KAZN: variants seen among roughly 807,000 people sequenced by gnomAD.
KAZN encodes the protein kazrin, periplakin interacting protein.
KAZN carries 40 observed loss-of-function variants against 87.4 expected under a neutral mutation model. The ratio of observed to expected loss-of-function variants is 0.46; its 90% CI spans 0.36 to 0.60. The LOEUF (loss-of-function observed/expected upper bound fraction) is 0.60, where lower values mean the gene tolerates loss of function less well. Ranked by LOEUF, KAZN falls within the 20% of genes least tolerant of loss-of-function variation. The pLI is 0.00. For missense variants in KAZN, 898 were observed against 1,073.9 expected, an observed-to-expected ratio of 0.84 and a Z score of 2.29; for synonymous variants, 466 against 458.3, an observed-to-expected ratio of 1.02 and a Z score of -0.22.
At chr1:14,042,357 A>T (rs1198677999) in intron 1 of KAZN, among the ~76,000 whole-genome samples, 1 of 152,156 alleles carries the variant, frequency 6.6e-6, no homozygotes, top group Non-Finnish European at 1.5e-5. Flanking sequence ...GGAGGGCAAG[A>T]ATACTATGAG....
chr1:14,027,208 G>A (rs778566885), intron 1 of KAZN, among the ~76,000 whole-genome samples: 3 of 152,144 alleles, frequency 2.0e-5, no homozygotes, highest in Non-Finnish European at 4.4e-5. Context: ...CATGCTCAAA[G>A]CACCGCTTGG....
chr1:14,688,089 C>T (rs1641064236), intron 1 of KAZN, among the ~76,000 whole-genome samples: 1 of 152,194 alleles, frequency 6.6e-6, no homozygotes, highest in African/African-American at 2.4e-5. Context: ...CCCTAGACGT[C>T]TCTACTCCTG....
At chr1:14,809,196 C>T (rs1257382402) in intron 1 of KAZN, among the ~76,000 whole-genome samples, 1 of 152,200 alleles carries the variant, frequency 6.6e-6, no homozygotes, top group Non-Finnish European at 1.5e-5. Context: ...ACATTACCTC[C>T]CAAACAAAAT....
At chr1:14,679,073 G>A (rs2148755440) in intron 1 of KAZN, among the ~76,000 whole-genome samples, 1 of 152,330 alleles carries the variant, frequency 6.6e-6, no homozygotes, top group South Asian at 2.1e-4. Flanking sequence ...CGTCACGCTT[G>A]TATAAAATGT....
intron 1 of KAZN, among the ~76,000 whole-genome samples, chr1:14,010,567 T>C (rs571295533): frequency 1.5e-4 from 23 of 152,322 alleles, no homozygotes; most frequent in African/African-American, 5.3e-4. Flanking sequence ...CTCCACCATC[T>C]GCCCCATGGC....
At chr1:15,100,366 G>A (rs898612440) in intron 10 of KAZN, among the ~76,000 whole-genome samples, 3 of 152,188 alleles carry the variant, frequency 2.0e-5, no homozygotes, top group Non-Finnish European at 2.9e-5. Flanking sequence ...TCTGGCTGCT[G>A]CCCCAGGAGC....
At chr1:14,904,853 T>G (rs1213907981) in intron 1 of KAZN, among the ~76,000 whole-genome samples, 1 of 151,894 alleles carries the variant, frequency 6.6e-6, no homozygotes, top group African/African-American at 2.4e-5. Context: ...GCTCCGCCAC[T>G]CGGGTTCACA....
At chr1:14,664,623 A>G (rs950577188) in intron 1 of KAZN, among the ~76,000 whole-genome samples, 2 of 151,278 alleles carry the variant, frequency 1.3e-5, no homozygotes, top group Non-Finnish European at 2.9e-5. Context: ...TTCCACTGGC[A>G]GTGGGGCCCA....
chr1:13,902,443 A>G (rs1372749155), intron 1 of KAZN, among the ~76,000 whole-genome samples: 1 of 152,164 alleles, frequency 6.6e-6, no homozygotes, highest in Non-Finnish European at 1.5e-5. Flanking sequence ...GGCTGTTTTC[A>G]TTAGGCCTGA....
At chr1:14,081,020 T>C (rs1002928449) in intron 1 of KAZN, among the ~76,000 whole-genome samples, 60 of 152,164 alleles carry the variant, frequency 3.9e-4, no homozygotes, top group African/African-American at 1.4e-3. Context: ...GAAAACCTTT[T>C]AGCTAGCAAG....
chr1:14,891,128 G>C (rs1229274106), intron 1 of KAZN, among the ~76,000 whole-genome samples: 1 of 152,106 alleles, frequency 6.6e-6, no homozygotes, highest in African/African-American at 2.4e-5. Flanking sequence ...ACAGGTGTGA[G>C]CCACCGCGCC....
At chr1:15,057,557 T>C (rs969483714) in intron 5 of KAZN, among the ~76,000 whole-genome samples, 1 of 152,212 alleles carries the variant, frequency 6.6e-6, no homozygotes, top group African/African-American at 2.4e-5. Flanking sequence ...TTGAGTGGGA[T>C]AGCAGCCCTC....
intron 2 of KAZN, among the ~76,000 whole-genome samples, chr1:14,987,263 G>A (rs1666915031): frequency 6.6e-6 from 1 of 152,184 alleles, no homozygotes; most frequent in Admixed American, 6.5e-5. Context: ...GGGAGGCCAA[G>A]GTGGGCAGAT....
rs530976749 is a variant in KAZN at position 14,609,662 on chromosome 1, A to G, written c.226+10439A>G. 3.9e-5 allele frequency among the ~76,000 whole-genome samples: 6 copies of G among 152,320 alleles called. No homozygotes were observed. In the East Asian group the frequency reaches 1.2e-3, roughly 29 times the overall value. On this transcript the variant is annotated intron_variant, in intron 1 of 14. Transcript: ENST00000376030. ...CACTCTTCCTCTTTTCTTGGCAATC[A>G]AGAAGGTTCCTGGGAAGCGCTACAG...
chr1:14,420,192 G>C (rs562594563), intron 2 of KAZN, among the ~76,000 whole-genome samples: 2 of 151,984 alleles, frequency 1.3e-5, no homozygotes, highest in East Asian at 3.9e-4. Context: ...TGATTGGTGC[G>C]TTTACAAACC....
chr1:14,938,723 G>GGATA (rs373082667), intron 1 of KAZN, among the ~76,000 whole-genome samples: 4 of 152,140 alleles, frequency 2.6e-5, no homozygotes, highest in African/African-American at 9.6e-5. Flanking sequence ...ACTTAGAAGG[G>GGATA]GATATCTGGC....
intron 2 of KAZN, 32 bp downstream of exon 2, chr1:14,960,907 T>C: frequency 6.3e-7 from 1 of 1,581,464 alleles, no homozygotes. Flanking sequence ...GTTCCTTCGC[T>C]GGGAGCTCAG....
chr1:14,579,053 G>C lies in KAZN; in HGVS notation c.250-19930G>C, dbSNP rs1468234191. On this transcript the variant is annotated intron_variant, in intron 2 of 16. Transcript: ENST00000636203. ...ACTAAATGCTCTGTTTGAGATGTCAGTTTTTTCTTAGAAGTCAGCACAGAA... is the reference window on the plus strand; with the variant it reads ...ACTAAATGCTCTGTTTGAGATGTCACTTTTTTCTTAGAAGTCAGCACAGAA... 6.6e-5 allele frequency among the ~76,000 whole-genome samples: 10 copies of C among 152,224 alleles called. No homozygotes were observed. In the East Asian group the frequency reaches 1.9e-3, roughly 30 times the overall value.
intron 1 of KAZN, among the ~76,000 whole-genome samples, chr1:14,007,093 A>G (rs1570509504): frequency 6.6e-6 from 1 of 152,098 alleles, no homozygotes; most frequent in African/African-American, 2.4e-5. Context: ...CTTTGATGCT[A>G]TCATGAATGG....
Sources: allele counts gnomAD v4.1 joint callset (sites outside exome capture counted in the v4.1 genomes callset), GRCh38; gene constraint gnomAD v4.1.1; transcripts MANE v1.5; gene names NCBI Gene and HGNC (gene_info 2026-07-23, HGNC 2026-07-21).